The following AFAP1L2 variants were observed in gnomAD, a reference collection of about 807,000 sequenced individuals.
AFAP1L2 encodes actin filament associated protein 1 like 2.
In AFAP1L2, 46 loss-of-function variants were observed where a neutral mutation model predicts 99.3. The observed-to-expected ratio is 0.46, with a 90% confidence interval of 0.37 to 0.59. The LOEUF (loss-of-function observed/expected upper bound fraction) is 0.59. Ranked by LOEUF, AFAP1L2 falls within the 20% of genes least tolerant of loss-of-function variation. The pLI, the probability that AFAP1L2 is intolerant of heterozygous loss-of-function variation, is 0.00. For synonymous variants in AFAP1L2, 397 were observed against 419.1 expected (o/e 0.95, Z 0.64); for missense variants, 959 against 1,034.9 (o/e 0.93, Z 1.01).
rs10627231 is a variant in AFAP1L2, at chr10:114,295,016, T to TAAA, written c.*1023_*1025dup. On this transcript the variant is annotated 3_prime_UTR_variant, in exon 19 of 19. Transcript: ENST00000304129. Reference sequence around the variant, plus strand: ...ATAGATGAAATGTTTCAACCTGTGTTAAAAAAAAAAAAAAAAAAATGCCAT... The same window carrying TAAA: ...ATAGATGAAATGTTTCAACCTGTGTTAAAAAAAAAAAAAAAAAAAAAATGCCAT... 0.015 allele frequency: 12,841 copies of TAAA among 878,478 alleles called. 150 individuals carry two copies. The highest frequency in any genetic ancestry group is 0.065 in the African/African-American group (3,224 of 49,868). The allele number at this position is 878,478 out of a possible 1,614,324, so 54.4% of individuals were successfully genotyped here.
intron 1 of AFAP1L2, among the ~76,000 whole-genome samples, chr10:114,369,867 C>T (rs1484565660): frequency 6.6e-6 from 1 of 152,180 alleles, no homozygotes; most frequent in African/African-American, 2.4e-5. Flanking sequence ...AAACCAGTGA[C>T]CACACCCAAC....
At position 114,367,714 on chromosome 10, in the gene AFAP1L2, G is replaced by A. The variant is rs147829912; in HGVS notation, c.17-26983C>T. On this transcript the variant is annotated intron_variant, in intron 1 of 18. Coordinates refer to ENST00000304129, the MANE Select transcript of AFAP1L2 (RefSeq NM_001001936.3). ...ATTTCAGGTTATTCCAAGCTTTCCCGGGCAAGGAGGCAGAACGGGCAGAGG... is the reference window on the plus strand; with the variant it reads ...ATTTCAGGTTATTCCAAGCTTTCCCAGGCAAGGAGGCAGAACGGGCAGAGG... 8.6e-3 allele frequency among the ~76,000 whole-genome samples: 1,308 copies of A among 152,222 alleles called. 34 individuals carry two copies. Among genetic ancestry groups the A allele is most frequent in the East Asian group, 0.063 (325 of 5,176 alleles).
At chr10:114,314,573 G>A (rs2043811397) in intron 6 of AFAP1L2, among the ~76,000 whole-genome samples, 1 of 152,204 alleles carries the variant, frequency 6.6e-6, no homozygotes, top group Admixed American at 6.5e-5. Context: ...CTTCCCATTT[G>A]TAAAATGGGG....
intron 5 of AFAP1L2, among the ~76,000 whole-genome samples, chr10:114,320,795 C>T (rs566995552): frequency 6.6e-6 from 1 of 152,382 alleles, no homozygotes; most frequent in Admixed American, 6.5e-5. Flanking sequence ...CAGGCCCCTG[C>T]TGGCCCGGCC....
chr10:114,386,395 C>T (rs1334547500), intron 1 of AFAP1L2, among the ~76,000 whole-genome samples: 1 of 151,882 alleles, frequency 6.6e-6, no homozygotes, highest in African/African-American at 2.4e-5. Flanking sequence ...AGCAAAACCC[C>T]ATCTCCAAAA....
rs941546831 is a variant in AFAP1L2 at position 114,308,642 on chromosome 10, G to A, written c.883-125C>T. On this transcript the variant is annotated intron_variant, in intron 8 of 18. Transcript: ENST00000304129. Reference sequence around the variant, plus strand: ...CCAGAGGTCAGCTGAGCAAATCCCTGCCGGCCACCTAAACGGCAGAATCCA... The same window carrying A: ...CCAGAGGTCAGCTGAGCAAATCCCTACCGGCCACCTAAACGGCAGAATCCA... 1.3e-4 allele frequency: 104 copies of A among 789,686 alleles called. 1 individual carries two copies. The highest frequency in any genetic ancestry group is 7.0e-4 in the Middle Eastern group (3 of 4,266). The allele number at this position is 789,686 out of a possible 1,614,324, so 48.9% of individuals were successfully genotyped here.
the AFAP1L2 span, among the ~76,000 whole-genome samples, chr10:114,285,698 G>A: frequency 6.6e-6 from 1 of 152,244 alleles, no homozygotes; most frequent in Non-Finnish European, 1.5e-5. Flanking sequence ...ATGGAAAAAA[G>A]TGATAATGTA....
At chr10:114,396,769 A>G (rs1256130210) in intron 1 of AFAP1L2, among the ~76,000 whole-genome samples, 1 of 152,128 alleles carries the variant, frequency 6.6e-6, no homozygotes, top group African/African-American at 2.4e-5. Context: ...CTTATATTCC[A>G]TGGTCCTCCT....
chr10:114,295,988 G>A lies in AFAP1L2; in HGVS notation c.*54C>T. ...GCATAGTTTTTGCTTTAACAAAGCA[G>A]GATTGTCACCAAGGTCCACATTGAC... On this transcript the variant is annotated 3_prime_UTR_variant, in exon 19 of 19. Coordinates refer to ENST00000304129, the MANE Select transcript of AFAP1L2 (RefSeq NM_001001936.3). 6.2e-7 allele frequency: 1 copy of A among 1,613,850 alleles called. No individual in the cohort carries two copies. Among genetic ancestry groups the A allele is most frequent in the Non-Finnish European group, 8.5e-7 (1 of 1,179,850 alleles).
At chr10:114,296,089 C>T in intron 18 of AFAP1L2, 21 bp from the exon 19 acceptor site, 5 of 1,614,082 alleles carry the variant, frequency 3.1e-6, no homozygotes, top group Non-Finnish European at 4.2e-6. Context: ...ATTCAAATAC[C>T]AGCACCCACC....
chr10:114,297,970 G>A (rs567796276), intron 16 of AFAP1L2, among the ~76,000 whole-genome samples: 27 of 152,336 alleles, frequency 1.8e-4, no homozygotes, highest in African/African-American at 5.8e-4. Flanking sequence ...ATAGAGTCCT[G>A]AGCACAGGGC....
At chr10:114,393,744 G>A (rs758183147) in intron 1 of AFAP1L2, among the ~76,000 whole-genome samples, 23 of 152,134 alleles carry the variant, frequency 1.5e-4, no homozygotes, top group Non-Finnish European at 1.9e-4. Context: ...CCTGGATCCC[G>A]TAACTCTTGG....
chr10:114,283,571 G>A, the AFAP1L2 span, among the ~76,000 whole-genome samples: 1 of 152,218 alleles, frequency 6.6e-6, no homozygotes, highest in Non-Finnish European at 1.5e-5. Flanking sequence ...GAGTGAAATG[G>A]CTTTCAGTCC....
In AFAP1L2 at chr10:114,350,429, C is replaced by G. The variant is rs1257496407; in HGVS notation, c.17-9698G>C. 3.3e-5 allele frequency among the ~76,000 whole-genome samples: 5 copies of G among 152,324 alleles called. No individual in the cohort carries two copies. The East Asian group carries it at 5.8e-4, about 18-fold the overall frequency. On this transcript the variant is annotated intron_variant, in intron 1 of 18. Transcript: ENST00000304129. Reference sequence around the variant, plus strand: ...ATATCTTCTGGTTTGATTTCCTCCCCCTCTGTGCCTAGATAGTGCTTTGCT... The same window carrying G: ...ATATCTTCTGGTTTGATTTCCTCCCGCTCTGTGCCTAGATAGTGCTTTGCT...
intron 1 of AFAP1L2, among the ~76,000 whole-genome samples, chr10:114,365,015 G>T (rs1218040017): frequency 6.6e-6 from 1 of 152,176 alleles, no homozygotes; most frequent in East Asian, 1.9e-4. Flanking sequence ...AGAGTCCGGG[G>T]GCATAAATGT....
At chr10:114,340,482 T>A (rs985718364) in intron 2 of AFAP1L2, 121 bp downstream of exon 2, 2 of 1,349,014 alleles carry the variant, frequency 1.5e-6, no homozygotes, top group African/African-American at 2.9e-5. Context: ...TCCAGAAGTG[T>A]GAGAAAATAA....
intron 1 of AFAP1L2, among the ~76,000 whole-genome samples, chr10:114,346,860 G>A (rs1369112037): frequency 6.6e-6 from 1 of 152,102 alleles, no homozygotes; most frequent in Non-Finnish European, 1.5e-5. Flanking sequence ...CCTCCTCTGT[G>A]GTGAAGCTCT....
chr10:114,367,922 T>C (rs534520607), intron 1 of AFAP1L2, among the ~76,000 whole-genome samples: 31 of 152,344 alleles, frequency 2.0e-4, no homozygotes, highest in African/African-American at 7.0e-4. Context: ...AATAATTAAC[T>C]ACATGAACAC....
At chr10:114,390,791 G>T (rs1209763550) in intron 1 of AFAP1L2, among the ~76,000 whole-genome samples, 1 of 151,210 alleles carries the variant, frequency 6.6e-6, no homozygotes, top group East Asian at 1.9e-4. Flanking sequence ...CCTCAGCTCT[G>T]CATGAAGATG....
Sources: allele counts gnomAD v4.1 joint callset (sites outside exome capture counted in the v4.1 genomes callset), GRCh38; gene constraint gnomAD v4.1.1; transcripts MANE v1.5; gene names NCBI Gene and HGNC (gene_info 2026-07-23, HGNC 2026-07-21).